TUSC3: variants seen among roughly 807,000 people sequenced by gnomAD.
TUSC3 encodes the protein tumor suppressor candidate 3.
TUSC3 carries 45 observed loss-of-function variants against 44.8 expected under a neutral mutation model. The ratio of observed to expected loss-of-function variants is 1.00; its 90% CI spans 0.79 to 1.29. The LOEUF is 1.29. Among genes scored for constraint, TUSC3 ranks in the 50% most tolerant of loss-of-function variants. The probability of loss-of-function intolerance (pLI) is 0.00; values close to 1 mark genes in which losing one functional copy is unlikely to be tolerated. For missense variants in TUSC3, 519 were observed against 437.9 expected (o/e 1.19, Z -1.65); for synonymous variants, 212 against 152.9 (o/e 1.39, Z -2.85).
chr8:15,606,656 C>T (rs1322149788), intron 1 of TUSC3, among the ~76,000 whole-genome samples: 1 of 152,036 alleles, frequency 6.6e-6, no homozygotes, highest in Non-Finnish European at 1.5e-5. Flanking sequence ...TCTCTGTAGG[C>T]ATAAATATTA....
chr8:15,722,865 C>T (rs1026670273), intron 6 of TUSC3, among the ~76,000 whole-genome samples: 1 of 151,882 alleles, frequency 6.6e-6, no homozygotes, highest in Non-Finnish European at 1.5e-5. Context: ...GAGAAGTTTT[C>T]CCTGAATATA....
Position 15,479,740 on chromosome 8 carries a change from G to C in TUSC3, n.92-3646G>C, listed in dbSNP as rs144270861. On this transcript the variant is annotated intron_variant and non_coding_transcript_variant, in intron 1 of 5. Transcript: ENST00000503191. ...TAATGCCTCCAGCTTTGTTCTTTTT[G>C]CTTAGGATCATCTTGGCTATATTGG... Among the ~76,000 whole-genome samples the C allele has an allele frequency of 3.2e-3, 480 of 152,102 alleles. 5 individuals carry two copies. The highest frequency in any genetic ancestry group is 6.8e-3 in the Middle Eastern group (2 of 294).
intron 5 of TUSC3, among the ~76,000 whole-genome samples, chr8:15,670,224 A>T (rs545537893): frequency 1.8e-4 from 28 of 152,020 alleles, no homozygotes; most frequent in African/African-American, 5.8e-4. Flanking sequence ...GAAATTGACA[A>T]TGAGATTTTA....
chr8:15,478,020 C>T (rs62501892), intron 1 of TUSC3, among the ~76,000 whole-genome samples: 2 of 151,852 alleles, frequency 1.3e-5, no homozygotes, highest in Admixed American at 6.6e-5. Context: ...TGCAGTGGCA[C>T]GATCTTGGCT....
chr8:15,591,125 CTTT>C (rs1803819882), intron 1 of TUSC3, among the ~76,000 whole-genome samples: 1 of 151,928 alleles, frequency 6.6e-6, no homozygotes, highest in Non-Finnish European at 1.5e-5. Context: ...TCATTAGGTC[CTTT>C]TTTTGGTTAT....
At chr8:15,835,469 G>A in the TUSC3 span, among the ~76,000 whole-genome samples, 5 of 151,242 alleles carry the variant, frequency 3.3e-5, no homozygotes, top group African/African-American at 1.2e-4. Context: ...TTGCTAGTTT[G>A]GTTTTTTAAT....
At chr8:15,724,115 C>G (rs1271850405) in intron 6 of TUSC3, among the ~76,000 whole-genome samples, 1 of 152,124 alleles carries the variant, frequency 6.6e-6, no homozygotes, top group East Asian at 1.9e-4. Context: ...AGACGCCTAC[C>G]TATCTCTGTC....
chr8:15,486,843 A>G (rs767988608), intron 2 of TUSC3, among the ~76,000 whole-genome samples: 16 of 152,226 alleles, frequency 1.1e-4, no homozygotes, highest in Non-Finnish European at 2.2e-4. Flanking sequence ...TAGCACTGCA[A>G]ATATATCTTT....
intron 1 of TUSC3, among the ~76,000 whole-genome samples, chr8:15,432,502 T>C (rs185161651): frequency 1.3e-5 from 2 of 152,316 alleles, no homozygotes; most frequent in African/African-American, 4.8e-5. Context: ...CTGCCAAGTC[T>C]GGTTCTGATG....
At chr8:15,751,451 G>C (rs1016834601) in intron 9 of TUSC3, among the ~76,000 whole-genome samples, 1 of 151,876 alleles carries the variant, frequency 6.6e-6, no homozygotes, top group Admixed American at 6.6e-5. Flanking sequence ...ATGTCCCTTT[G>C]GCTCCCACCT....
upstream of TUSC3, among the ~76,000 whole-genome samples, chr8:15,538,447 T>TA (rs2129131631): frequency 6.6e-6 from 1 of 152,008 alleles, no homozygotes; most frequent in African/African-American, 2.4e-5. Flanking sequence ...GTGATATATA[T>TA]TTGTAAACTC....
At chr8:15,530,684 A>G (rs1388400209) in intron 2 of TUSC3, among the ~76,000 whole-genome samples, 3 of 152,248 alleles carry the variant, frequency 2.0e-5, no homozygotes, top group Non-Finnish European at 2.9e-5. Context: ...CAGGACGGAA[A>G]CAAACATATT....
chr8:15,817,348 G>GAAAAA, the TUSC3 span, among the ~76,000 whole-genome samples: 2 of 149,596 alleles, frequency 1.3e-5, no homozygotes, highest in Non-Finnish European at 3.0e-5. Context: ...ATTAAGACTT[G>GAAAAA]AAAAAAAAAA....
the TUSC3 span, among the ~76,000 whole-genome samples, chr8:15,801,833 T>C: frequency 1.8e-4 from 27 of 152,200 alleles, no homozygotes; most frequent in Non-Finnish European, 3.4e-4. Flanking sequence ...TAGGCAATGC[T>C]GTTCAAGAAA....
chr8:15,431,298 A>G (rs1443016174), intron 1 of TUSC3, among the ~76,000 whole-genome samples: 4 of 147,342 alleles, frequency 2.7e-5, no homozygotes, highest in African/African-American at 7.6e-5. Flanking sequence ...TGGATATTTT[A>G]CCTATATTCT....
chr8:15,549,942 C>G (rs74678971), intron 1 of TUSC3, among the ~76,000 whole-genome samples: 9 of 151,470 alleles, frequency 5.9e-5, no homozygotes, highest in Non-Finnish European at 8.8e-5. Context: ...CTCCAAAAAC[C>G]GAGCTCCCCG....
At chr8:15,620,500 C>G (rs900589222) in intron 1 of TUSC3, among the ~76,000 whole-genome samples, 1 of 151,926 alleles carries the variant, frequency 6.6e-6, no homozygotes, top group Non-Finnish European at 1.5e-5. Flanking sequence ...CACAGTGGTT[C>G]TCAATATTTA....
intron 6 of TUSC3, among the ~76,000 whole-genome samples, chr8:15,719,788 A>G (rs994201305): frequency 6.6e-6 from 1 of 152,106 alleles, no homozygotes; most frequent in Non-Finnish European, 1.5e-5. Context: ...AAACTGCGCC[A>G]TATGTTGCCT....
At chr8:15,777,085 G>C in the TUSC3 span, among the ~76,000 whole-genome samples, 1 of 152,098 alleles carries the variant, frequency 6.6e-6, no homozygotes, top group Non-Finnish European at 1.5e-5. Flanking sequence ...TTTCCAGCTA[G>C]AATCTTCTTT....
Sources: allele counts gnomAD v4.1 joint callset (sites outside exome capture counted in the v4.1 genomes callset), GRCh38; gene constraint gnomAD v4.1.1; transcripts MANE v1.5; gene names NCBI Gene and HGNC (gene_info 2026-07-23, HGNC 2026-07-21).